Variants in RFC3 observed in about 807,000 individuals in gnomAD.
RFC3 encodes A1 38 kDa subunit.
In RFC3, 41 loss-of-function variants were observed where a neutral mutation model predicts 45.1. The ratio of observed to expected loss-of-function variants is 0.91; its 90% CI spans 0.71 to 1.18. The LOEUF is 1.18. Ranked by LOEUF, RFC3 falls within the 50% of genes most tolerant of loss-of-function variation. The pLI, the probability that RFC3 is intolerant of heterozygous loss-of-function variation, is 0.00. For missense variants in RFC3, 423 were observed against 428.1 expected, an observed-to-expected ratio of 0.99 and a Z score of 0.10; for synonymous variants, 149 against 144.0, an observed-to-expected ratio of 1.03 and a Z score of -0.25.
Position 33,905,728 on chromosome 13 carries a change from A to G in RFC3, c.880-60359A>G, listed in dbSNP as rs558764260. Among the ~76,000 whole-genome samples, 3 of 152,222 alleles carry G rather than the reference A, an allele frequency of 2.0e-5. No homozygotes were observed. In the South Asian group the frequency reaches 6.2e-4, roughly 32 times the overall value. On this transcript the variant is annotated intron_variant, in intron 8 of 8. Coordinates refer to the RFC3 transcript ENST00000434425. ...TATTTATTGGATTTCCAGTGACTAT[A>G]TTAATATTGAACTCAAATGATTCAC...
intron 8 of RFC3, among the ~76,000 whole-genome samples, chr13:33,955,832 C>CA (rs1253285711): frequency 6.6e-6 from 1 of 152,176 alleles, no homozygotes; most frequent in Non-Finnish European, 1.5e-5. Context: ...TCAGGGGCTT[C>CA]AGGAGGCGCA....
At chr13:33,958,158 A>G (rs2083033524) in intron 8 of RFC3, among the ~76,000 whole-genome samples, 1 of 152,222 alleles carries the variant, frequency 6.6e-6, no homozygotes, top group African/African-American at 2.4e-5. Flanking sequence ...AGTGAAGTTA[A>G]GACATCAAAG....
chr13:33,849,941 A>G (rs1238442943), intron 8 of RFC3: 5 of 152,200 alleles, frequency 3.3e-5, no homozygotes, highest in African/African-American at 1.2e-4. Flanking sequence ...TTCTGTTTCA[A>G]CAATCAACTG....
At chr13:33,824,410 A>G (rs1386490705) in intron 3 of RFC3, among the ~76,000 whole-genome samples, 1 of 152,168 alleles carries the variant, frequency 6.6e-6, no homozygotes, top group Non-Finnish European at 1.5e-5. Flanking sequence ...TAGAGGTATT[A>G]TAATAGTTCA....
chr13:33,949,235 C>G (rs1327551276), intron 8 of RFC3, among the ~76,000 whole-genome samples: 1 of 152,050 alleles, frequency 6.6e-6, no homozygotes, highest in Non-Finnish European at 1.5e-5. Flanking sequence ...GCATTTTCCC[C>G]CACTTGCACT....
chr13:33,932,670 G>T (rs1212651526), intron 8 of RFC3, among the ~76,000 whole-genome samples: 1 of 152,120 alleles, frequency 6.6e-6, no homozygotes, highest in Non-Finnish European at 1.5e-5. Context: ...AGCAAAAACA[G>T]TAGGAAAATT....
At chr13:33,818,332 T>A in intron 1 of RFC3, 67 bp downstream of exon 1, 1 of 1,282,238 alleles carries the variant, frequency 7.8e-7, no homozygotes, top group South Asian at 1.2e-5. Flanking sequence ...CGCGCCCCCC[T>A]GAGGAGCAGT....
intron 8 of RFC3, among the ~76,000 whole-genome samples, chr13:33,958,382 G>A (rs1383377462): frequency 2.0e-5 from 3 of 152,176 alleles, no homozygotes; most frequent in Non-Finnish European, 4.4e-5. Flanking sequence ...GAGAACAAGT[G>A]ATTGGGGATT....
chr13:33,896,583 G>A (rs897489885), intron 8 of RFC3, among the ~76,000 whole-genome samples: 1 of 151,576 alleles, frequency 6.6e-6, no homozygotes, highest in African/African-American at 2.4e-5. Flanking sequence ...AAGTAGCTAG[G>A]AGTGGTGGTC....
chr13:33,831,193 C>A, intron 6 of RFC3, 63 bp from the exon 7 acceptor site: 1 of 1,021,222 alleles, frequency 9.8e-7, no homozygotes. Context: ...TGGTTGGGGA[C>A]TCCTGTTTTA....
chr13:33,968,939 G>A (rs1420257091), downstream of RFC3, among the ~76,000 whole-genome samples: 1 of 152,118 alleles, frequency 6.6e-6, no homozygotes, highest in African/African-American at 2.4e-5. Context: ...ACTAATGCCG[G>A]CATTGTGTTG....
intron 5 of RFC3, among the ~76,000 whole-genome samples, chr13:33,830,256 A>G (rs1343785422): frequency 2.0e-5 from 3 of 152,174 alleles, no homozygotes. Context: ...TACGAATTCT[A>G]CTAAACTAGG....
intron 8 of RFC3, among the ~76,000 whole-genome samples, chr13:33,881,664 C>T (rs2082485389): frequency 6.6e-6 from 1 of 152,134 alleles, no homozygotes; most frequent in Non-Finnish European, 1.5e-5. Flanking sequence ...TCAGGATATC[C>T]TGTTCACAAC....
chr13:33,842,716 A>G (rs1002582308), intron 8 of RFC3, among the ~76,000 whole-genome samples: 3 of 152,172 alleles, frequency 2.0e-5, no homozygotes, highest in Non-Finnish European at 2.9e-5. Context: ...GAATGATGGT[A>G]TAGAGTTGAC....
intron 8 of RFC3, among the ~76,000 whole-genome samples, chr13:33,873,542 A>G (rs2082426140): frequency 6.6e-6 from 1 of 152,220 alleles, no homozygotes; most frequent in South Asian, 2.1e-4. Context: ...ATACATCTTT[A>G]AAACGTTTTA....
chr13:33,851,416 C>T (rs747123404), intron 8 of RFC3, among the ~76,000 whole-genome samples: 40 of 152,008 alleles, frequency 2.6e-4, no homozygotes, highest in African/African-American at 8.5e-4. Flanking sequence ...TCAGATAACA[C>T]GTATTTTGTA....
At chr13:33,833,521 G>C (rs2082122806) in intron 7 of RFC3, among the ~76,000 whole-genome samples, 1 of 152,070 alleles carries the variant, frequency 6.6e-6, no homozygotes, top group Non-Finnish European at 1.5e-5. Context: ...TAATGACACA[G>C]ACATGGTAAA....
chr13:33,865,829 G>A (rs2082369666), intron 8 of RFC3, among the ~76,000 whole-genome samples: 2 of 152,130 alleles, frequency 1.3e-5, no homozygotes, highest in Admixed American at 1.3e-4. Flanking sequence ...TGAGGCGGGT[G>A]GATCACCTGA....
intron 8 of RFC3, among the ~76,000 whole-genome samples, chr13:33,953,991 G>A (rs2137840191): frequency 6.6e-6 from 1 of 152,268 alleles, no homozygotes; most frequent in African/African-American, 2.4e-5. Context: ...GGGATGATGA[G>A]AAGACCTCAG....
Sources: allele counts gnomAD v4.1 joint callset (sites outside exome capture counted in the v4.1 genomes callset), GRCh38; gene constraint gnomAD v4.1.1; transcripts MANE v1.5; gene names NCBI Gene and HGNC (gene_info 2026-07-23, HGNC 2026-07-21).